Variants in ATG2B observed in about 807,000 individuals in gnomAD.
The protein encoded by ATG2B is autophagy-related protein 2 homolog B.
ATG2B carries 121 observed loss-of-function variants against 241.3 expected under a neutral mutation model. The ratio of observed to expected loss-of-function variants is 0.50; its 90% confidence interval spans 0.43 to 0.58. ATG2B has a LOEUF of 0.58. Ranked by LOEUF, ATG2B falls within the 20% of genes least tolerant of loss-of-function variation. The probability of loss-of-function intolerance (pLI) is 0.00; values close to 1 mark genes in which losing one functional copy is unlikely to be tolerated. For missense variants in ATG2B, 2,306 were observed against 2,491.6 expected (o/e 0.93, Z 1.59); for synonymous variants, 858 against 876.6 (o/e 0.98, Z 0.37).
At chr14:96,334,879 G>A (rs556609554) in intron 6 of ATG2B, among the ~76,000 whole-genome samples, 1 of 152,270 alleles carries the variant, frequency 6.6e-6, no homozygotes, top group South Asian at 2.1e-4. Flanking sequence ...AATCCTTAAA[G>A]TCTGATTCAC....
At chr14:96,350,081 G>A (rs192882301) in intron 1 of ATG2B, among the ~76,000 whole-genome samples, 3 of 152,226 alleles carry the variant, frequency 2.0e-5, no homozygotes, top group Non-Finnish European at 2.9e-5. Context: ...GCTTAAGCCC[G>A]GGAGGCAGAG....
intron 32 of ATG2B, 59 bp from the exon 33 acceptor site, chr14:96,303,314 T>A: frequency 2.3e-6 from 3 of 1,321,986 alleles, no homozygotes; most frequent in Non-Finnish European, 3.0e-6. Flanking sequence ...TATTAAATTG[T>A]ATTTTCTCTT....
At chr14:96,326,079 GT>G (rs1887581676) in intron 14 of ATG2B, among the ~76,000 whole-genome samples, 157 bp from the exon 15 acceptor site, 1 of 152,166 alleles carries the variant, frequency 6.6e-6, no homozygotes, top group South Asian at 2.1e-4. Context: ...TTAATTTAGT[GT>G]AAAAAAATTT....
At chr14:96,352,188 C>G (rs543255487) in intron 1 of ATG2B, among the ~76,000 whole-genome samples, 1 of 152,146 alleles carries the variant, frequency 6.6e-6, no homozygotes, top group African/African-American at 2.4e-5. Flanking sequence ...CAATGTAGCA[C>G]AACACATTAC....
At chr14:96,308,260 ATATATATATATATATATATATATTT>A (rs1566719822) in intron 29 of ATG2B, among the ~76,000 whole-genome samples, 2 of 17,240 alleles carry the variant, frequency 1.2e-4, no homozygotes, top group African/African-American at 2.2e-4. Flanking sequence ...ATACACACAT[ATATATATATATATATATATATATTT>A]TTTTTTTTTT....
At position 96,315,220 on chromosome 14, in the gene ATG2B, G is replaced by A. The variant is rs138748540; in HGVS notation, c.3576C>T (p.Ala1192=). The change falls in exon 23 of 42, where the codon GCC becomes GCT. Residue 1192 remains alanine, a synonymous_variant. Transcript: ENST00000359933. ...GGAGAGTGGCTCCTTTCAGTCCTAC[G>A]GCAATGAGAAATTCCTATACAGAAC... The part of the protein sequence containing the change: ...SESNTKEFLI[A]VGLKGATLQH... The A allele has an allele frequency of 5.2e-5, 84 of 1,613,772 alleles. No homozygotes were observed. The Middle Eastern group carries it at 8.3e-4, about 16-fold the overall frequency.
intron 1 of ATG2B, among the ~76,000 whole-genome samples, chr14:96,354,235 A>C (rs1260131339): frequency 1.3e-5 from 2 of 151,994 alleles, no homozygotes; most frequent in Non-Finnish European, 2.9e-5. Flanking sequence ...TCATCCCATC[A>C]CTTAGTATTA....
intron 1 of ATG2B, among the ~76,000 whole-genome samples, chr14:96,347,944 A>G (rs1888212323): frequency 6.6e-6 from 1 of 152,186 alleles, no homozygotes; most frequent in South Asian, 2.1e-4. Flanking sequence ...AAAAAAACTA[A>G]ACATAGAACT....
intron 6 of ATG2B, among the ~76,000 whole-genome samples, chr14:96,336,503 C>T (rs1233163415): frequency 6.6e-6 from 1 of 152,110 alleles, no homozygotes; most frequent in Admixed American, 6.6e-5. Flanking sequence ...TCATTTGTCA[C>T]TAATATACAG....
chr14:96,332,415 A>G lies in ATG2B; in HGVS notation c.1363-5T>C. On this transcript the variant is annotated splice_region_variant and splice_polypyrimidine_tract_variant and intron_variant, in intron 9 of 41. Coordinates refer to ENST00000359933, the MANE Select transcript of ATG2B (RefSeq NM_018036.7). The stretch of plus-strand genomic sequence containing the variant: ...CTCTCCCCAAGTGGGCTGAAGCTAT[A>G]AAAGATTTTTTTTAAGCACATGAAT... 1 of 1,613,504 alleles carries G rather than the reference A, an allele frequency of 6.2e-7. No homozygotes were observed. Among genetic ancestry groups the G allele is most frequent in the South Asian group, 1.1e-5 (1 of 90,982 alleles).
At chr14:96,356,073 A>G (rs1374899097) in intron 1 of ATG2B, among the ~76,000 whole-genome samples, 1 of 151,890 alleles carries the variant, frequency 6.6e-6, no homozygotes, top group Non-Finnish European at 1.5e-5. Context: ...CGGGAGGCTG[A>G]GGCAGAAGAA....
In ATG2B at chr14:96,341,811, T is replaced by C; in HGVS notation, c.745-110A>G. On this transcript the variant is annotated intron_variant, in intron 5 of 41. Transcript: ENST00000359933. ...GAATAAAATATTTGACATGTAAAAC[T>C]GTATGATGTTACAATGGACAAACCA... is the stretch of plus-strand genomic sequence containing the variant. The C allele has an allele frequency of 4.5e-6, 4 of 891,770 alleles. No homozygotes were observed. In the South Asian group the frequency reaches 1.1e-4, roughly 24 times the overall value. The allele number at this position is 891,770 out of a possible 1,614,324, so 55.2% of individuals were successfully genotyped here. A position where few individuals can be genotyped will look rare whatever the true frequency, so the allele number is the denominator to read the frequency against.
intron 1 of ATG2B, among the ~76,000 whole-genome samples, chr14:96,358,998 A>G (rs1888552963): frequency 6.6e-6 from 1 of 152,206 alleles, no homozygotes; most frequent in African/African-American, 2.4e-5. Flanking sequence ...TCAGTAATCA[A>G]TGTTTCTTGA....
chr14:96,322,083 A>G, intron 18 of ATG2B, 29 bp downstream of exon 18: 3 of 1,468,186 alleles, frequency 2.0e-6, no homozygotes, highest in Non-Finnish European at 2.7e-6. Flanking sequence ...TCTGATTCCA[A>G]AGATTCAACT....
At chr14:96,359,812 AT>A (rs1384321436) in intron 1 of ATG2B, among the ~76,000 whole-genome samples, 5 of 152,234 alleles carry the variant, frequency 3.3e-5, no homozygotes, top group African/African-American at 1.2e-4. Context: ...ATCCTAAAGT[AT>A]TATCAGATGA....
chr14:96,353,173 T>C, intron 1 of ATG2B, among the ~76,000 whole-genome samples: 1 of 152,198 alleles, frequency 6.6e-6, no homozygotes, highest in East Asian at 1.9e-4. Flanking sequence ...TACAGTAGGC[T>C]ATACCACTGG....
chr14:96,286,863 A>T (rs8009297), intron 41 of ATG2B, among the ~76,000 whole-genome samples: 118,400 of 151,466 alleles, frequency 0.78, 46,912 homozygotes, highest in African/African-American at 0.91. Context: ...AAGGACCTTG[A>T]ACTAACCCAG....
chr14:96,332,581 G>T lies in ATG2B; in HGVS notation c.1282C>A (p.Pro428Thr), dbSNP rs1439639259. The part of the protein sequence containing the change: ...SLSSLPPLGD[P>T]PNMDLELSLT... The stretch of plus-strand genomic sequence containing the variant: ...GATAACTCAAGGTCCATGTTTGGGG[G>T]GTCCCCAAGGGGTGGAAGAGAAGAG... The change falls in exon 9 of 42, where the codon CCC becomes ACC. Residue 428 changes from proline to threonine, a missense_variant. Around this residue, in one of 2 missense-constraint regions of ATG2B, gnomAD observed 1,927 missense variants for 2,011.2 expected, o/e 0.96. Coordinates refer to ENST00000359933, the MANE Select transcript of ATG2B (RefSeq NM_018036.7). 1.2e-6 allele frequency: 2 copies of T among 1,610,108 alleles called. No individual in the cohort carries two copies. Among genetic ancestry groups the T allele is most frequent in the Admixed American group, 1.7e-5 (1 of 59,258 alleles).
rs1595284045 is a variant in ATG2B at position 96,280,239 on chromosome 14, T to C, written c.*5516A>G. 5.3e-5 allele frequency: 8 copies of C among 152,304 alleles called. 1 individual carries two copies. The highest frequency in any genetic ancestry group is 4.8e-5 in the African/African-American group (2 of 41,578). 9.4% of individuals were successfully genotyped at this position (152,304 alleles called of 1,614,324 possible). A position where few individuals can be genotyped will look rare whatever the true frequency, so the allele number is the denominator to read the frequency against. On this transcript the variant is annotated 3_prime_UTR_variant, in exon 42 of 42. Transcript: ENST00000359933. ...TGTGGTTTCCCAATTAGTGAAGACT[T>C]TTTGCTAAGTTAGGTAACTGCTCCA... is the stretch of plus-strand genomic sequence containing the variant.
Sources: allele counts gnomAD v4.1 joint callset (sites outside exome capture counted in the v4.1 genomes callset), GRCh38; gene constraint gnomAD v4.1.1; regional missense constraint gnomAD v4.1.1; transcripts MANE v1.5; gene names NCBI Gene and HGNC (gene_info 2026-07-23, HGNC 2026-07-21).